ELAVL2: variants seen among roughly 807,000 people sequenced by gnomAD.
The protein encoded by ELAVL2 is ELAV-like protein 2.
ELAVL2 carries 4 observed loss-of-function variants against 34.6 expected under a neutral mutation model. The observed-to-expected ratio is 0.12, with a 90% CI of 0.06 to 0.26. The LOEUF is 0.26. Among genes scored for constraint, ELAVL2 ranks in the 10% least tolerant of loss-of-function variants. ELAVL2 has a pLI of 1.00. For missense variants in ELAVL2, 432 were observed against 442.8 expected, an observed-to-expected ratio of 0.98 and a Z score of 0.22; for synonymous variants, 193 against 154.8, an observed-to-expected ratio of 1.25 and a Z score of -1.83.
intron 2 of ELAVL2, among the ~76,000 whole-genome samples, chr9:23,742,705 G>A (rs982552143): frequency 9.2e-5 from 14 of 152,158 alleles, no homozygotes; most frequent in Non-Finnish European, 1.5e-4. Context: ...AAAGACAAAG[G>A]AAGTAAATTT....
At chr9:23,703,230 T>C (rs1387926011) in intron 4 of ELAVL2, among the ~76,000 whole-genome samples, 1 of 152,224 alleles carries the variant, frequency 6.6e-6, no homozygotes, top group Non-Finnish European at 1.5e-5. Flanking sequence ...ACGCACTTTG[T>C]GTCATAGGTG....
At chr9:23,811,935 A>AG (rs1333503689) in intron 1 of ELAVL2, among the ~76,000 whole-genome samples, 1 of 152,116 alleles carries the variant, frequency 6.6e-6, no homozygotes, top group Non-Finnish European at 1.5e-5. Context: ...GGAACGGGGG[A>AG]GGGAAATAAG....
chr9:23,820,516 C>T (rs1314405587), intron 1 of ELAVL2, among the ~76,000 whole-genome samples: 1 of 152,154 alleles, frequency 6.6e-6, no homozygotes, highest in Non-Finnish European at 1.5e-5. Context: ...TTTAAAAATG[C>T]ACACAATTCT....
intron 5 of ELAVL2, among the ~76,000 whole-genome samples, chr9:23,696,682 T>G (rs1031373437): frequency 6.6e-6 from 1 of 151,874 alleles, no homozygotes; most frequent in Admixed American, 6.6e-5. Context: ...CATTTAGCCA[T>G]GATGGTCTCG....
intron 1 of ELAVL2, among the ~76,000 whole-genome samples, chr9:23,767,686 T>C (rs578115596): frequency 2.0e-5 from 3 of 152,260 alleles, no homozygotes; most frequent in African/African-American, 7.2e-5. Flanking sequence ...GGCAGGAGAA[T>C]GGCTTGAACC....
chr9:23,737,150 G>A (rs1371907978), intron 2 of ELAVL2, among the ~76,000 whole-genome samples: 1 of 152,202 alleles, frequency 6.6e-6, no homozygotes, highest in Admixed American at 6.5e-5. Flanking sequence ...AGGGCAAGCA[G>A]AACATAGTTC....
Position 23,762,021 on chromosome 9 carries a change from T to C in ELAVL2, c.214A>G (p.Arg72Gly). ...AACTGCTTACCTGTTATTTTGTCTC[T>C]TACAAGCTTACAGGACTCTATTTCA... The part of the protein sequence containing the change: ...IGEIESCKLV[R>G]DKITGQSLGY... Residue 72 changes from arginine (R) to glycine (G), a missense_variant, in exon 2 of 7, where the codon AGA becomes GGA. Arg to Gly is a moderately radical substitution (Grantham distance 125). Transcript: ENST00000397312. The C allele has an allele frequency of 6.2e-7, 1 of 1,612,446 alleles. No homozygotes were observed. Among genetic ancestry groups the C allele is most frequent in the Non-Finnish European group, 8.5e-7 (1 of 1,179,074 alleles).
At chr9:23,799,032 G>A (rs558791702) in intron 1 of ELAVL2, among the ~76,000 whole-genome samples, 2 of 152,086 alleles carry the variant, frequency 1.3e-5, no homozygotes, top group African/African-American at 2.4e-5. Context: ...GTAAAGTGAA[G>A]GATGGAAGAA....
intron 1 of ELAVL2, chr9:23,821,982 C>T (rs1412156805): frequency 6.6e-6 from 1 of 151,624 alleles, no homozygotes; most frequent in Non-Finnish European, 1.5e-5. Flanking sequence ...CAGGGAGATG[C>T]CGGGCTTCAG....
At chr9:23,779,375 C>T in intron 1 of ELAVL2, 2 of 985,396 alleles carry the variant, frequency 2.0e-6, no homozygotes, top group Non-Finnish European at 2.4e-6. Context: ...GGGAAGAAAG[C>T]AACGCCCTGC....
intron 1 of ELAVL2, among the ~76,000 whole-genome samples, chr9:23,811,407 C>G (rs1317681774): frequency 6.6e-6 from 1 of 151,966 alleles, no homozygotes; most frequent in African/African-American, 2.4e-5. Flanking sequence ...CTCAGAACAC[C>G]AAGCACTGGC....
At chr9:23,776,466 G>A (rs1224642798) in intron 1 of ELAVL2, among the ~76,000 whole-genome samples, 1 of 151,416 alleles carries the variant, frequency 6.6e-6, no homozygotes, top group Non-Finnish European at 1.5e-5. Context: ...AAGGTCTGGT[G>A]TGTAGAATAC....
intron 1 of ELAVL2, among the ~76,000 whole-genome samples, chr9:23,820,380 C>A (rs949825845): frequency 6.6e-6 from 1 of 152,122 alleles, no homozygotes; most frequent in Non-Finnish European, 1.5e-5. Flanking sequence ...CATTTTGGCA[C>A]TTCTAAGAAC....
chr9:23,808,297 C>T (rs1280933428), intron 1 of ELAVL2, among the ~76,000 whole-genome samples: 3 of 152,094 alleles, frequency 2.0e-5, no homozygotes, highest in East Asian at 3.9e-4. Flanking sequence ...AGAACTTTAA[C>T]ATAATATCTC....
At chr9:23,702,572 C>G (rs1328928989) in intron 4 of ELAVL2, among the ~76,000 whole-genome samples, 1 of 149,978 alleles carries the variant, frequency 6.7e-6, no homozygotes, top group Non-Finnish European at 1.5e-5. Context: ...GACCATCATA[C>G]TTGGAGGAGC....
intron 1 of ELAVL2, among the ~76,000 whole-genome samples, chr9:23,805,068 T>C (rs2062040624): frequency 6.6e-6 from 1 of 152,176 alleles, no homozygotes; most frequent in Non-Finnish European, 1.5e-5. Context: ...ATAAATGCTC[T>C]GACAAACCCC....
chr9:23,786,755 G>A (rs967447417), intron 1 of ELAVL2, among the ~76,000 whole-genome samples: 1 of 133,194 alleles, frequency 7.5e-6, no homozygotes, highest in African/African-American at 2.8e-5. Context: ...GAAACCTGCA[G>A]TAGTCTCAGT....
At chr9:23,842,583 A>T in the ELAVL2 span, among the ~76,000 whole-genome samples, 262 of 152,198 alleles carry the variant, frequency 1.7e-3, 1 homozygote, top group Admixed American at 3.9e-3. Flanking sequence ...TATATATAGG[A>T]AATTTCCTTT....
chr9:23,720,474 C>T (rs771261848), intron 3 of ELAVL2, among the ~76,000 whole-genome samples: 24 of 152,060 alleles, frequency 1.6e-4, no homozygotes, highest in Non-Finnish European at 2.8e-4. Context: ...GCCAAGACAC[C>T]CATTTTAAAT....
Sources: allele counts gnomAD v4.1 joint callset (sites outside exome capture counted in the v4.1 genomes callset), GRCh38; gene constraint gnomAD v4.1.1; transcripts MANE v1.5; gene names NCBI Gene and HGNC (gene_info 2026-07-23, HGNC 2026-07-21).